Variants in CFAP299 observed in about 807,000 individuals in gnomAD.
CFAP299 encodes the protein cilia and flagella associated protein 299, also known as cilia- and flagella-associated protein 299.
Under a neutral mutation model 27.0 loss-of-function variants are expected in CFAP299, and 21 were observed. The ratio of observed to expected loss-of-function variants is 0.78; its 90% CI spans 0.55 to 1.12. CFAP299 has a LOEUF of 1.12. Ranked by LOEUF, CFAP299 falls within the 50% of genes most tolerant of loss-of-function variation. CFAP299 has a pLI of 0.00. For synonymous variants in CFAP299, 104 were observed against 98.1 expected (o/e 1.06, Z -0.36); for missense variants, 310 against 276.6 (o/e 1.12, Z -0.86).
intron 2 of CFAP299, among the ~76,000 whole-genome samples, chr4:80,554,169 T>A (rs1443059284): frequency 6.6e-6 from 1 of 152,146 alleles, no homozygotes; most frequent in Non-Finnish European, 1.5e-5. Flanking sequence ...GATTTTTGTA[T>A]ATGGTGTAAG....
At chr4:80,529,987 A>G (rs541441170) in intron 2 of CFAP299, among the ~76,000 whole-genome samples, 114 of 152,342 alleles carry the variant, frequency 7.5e-4, no homozygotes, top group African/African-American at 2.5e-3. Context: ...ATAGTATGAG[A>G]AAAATAAATA....
chr4:80,949,214 A>G (rs543803310), intron 5 of CFAP299, among the ~76,000 whole-genome samples: 3 of 152,326 alleles, frequency 2.0e-5, no homozygotes, highest in South Asian at 4.1e-4. Context: ...TATGAGTCAC[A>G]TGGGGAGGTG....
intron 3 of CFAP299, among the ~76,000 whole-genome samples, chr4:80,753,974 A>G (rs905790325): frequency 1.3e-5 from 2 of 152,180 alleles, no homozygotes; most frequent in African/African-American, 4.8e-5. Flanking sequence ...AGATAGTTCA[A>G]ACAATACTGT....
At chr4:80,937,926 T>G (rs945770418) in intron 4 of CFAP299, among the ~76,000 whole-genome samples, 3 of 152,168 alleles carry the variant, frequency 2.0e-5, no homozygotes, top group Non-Finnish European at 2.9e-5. Flanking sequence ...ATGACTACAA[T>G]GAGGCTTACA....
chr4:80,338,181 C>A (rs547739906), intron 1 of CFAP299, among the ~76,000 whole-genome samples: 52 of 152,172 alleles, frequency 3.4e-4, no homozygotes, highest in African/African-American at 1.2e-3. Context: ...TTTTAACTAA[C>A]AAAATTGTCG....
intron 2 of CFAP299, among the ~76,000 whole-genome samples, chr4:80,469,701 A>G (rs1286403317): frequency 3.3e-5 from 5 of 152,122 alleles, no homozygotes; most frequent in East Asian, 1.9e-4. Context: ...AGAAAAAGGT[A>G]TCCTTGTTCA....
intron 3 of CFAP299, among the ~76,000 whole-genome samples, chr4:80,798,354 G>A (rs1727989874): frequency 1.3e-5 from 2 of 152,074 alleles, no homozygotes; most frequent in African/African-American, 2.4e-5. Context: ...TCAGGAAGGG[G>A]ATATTGCCAC....
At chr4:80,876,082 A>G (rs1375634792) in intron 4 of CFAP299, among the ~76,000 whole-genome samples, 1 of 151,166 alleles carries the variant, frequency 6.6e-6, no homozygotes, top group African/African-American at 2.4e-5. Context: ...GCATAGTACT[A>G]ATTAATAACT....
chr4:80,335,996 C>G, intron 1 of CFAP299, 117 bp downstream of exon 1: 2 of 677,306 alleles, frequency 3.0e-6, no homozygotes, highest in Non-Finnish European at 5.2e-6. Context: ...TCAGGCGCCG[C>G]GGTTTCGGGA....
At chr4:80,608,610 A>G (rs1378553501) in intron 3 of CFAP299, among the ~76,000 whole-genome samples, 1 of 152,166 alleles carries the variant, frequency 6.6e-6, no homozygotes, top group East Asian at 1.9e-4. Context: ...AGCGCATTGT[A>G]GATTTAATGA....
intron 3 of CFAP299, among the ~76,000 whole-genome samples, chr4:80,697,227 T>G (rs921781625): frequency 5.3e-5 from 8 of 152,108 alleles, no homozygotes; most frequent in African/African-American, 1.9e-4. Context: ...ACAATCTGTA[T>G]GAAATAACAG....
intron 3 of CFAP299, among the ~76,000 whole-genome samples, chr4:80,739,385 G>A (rs1232238264): frequency 6.6e-6 from 1 of 151,932 alleles, no homozygotes; most frequent in Non-Finnish European, 1.5e-5. Flanking sequence ...TGTTTATCTT[G>A]GATTATTTGT....
intron 3 of CFAP299, among the ~76,000 whole-genome samples, chr4:80,781,457 G>C (rs554669899): frequency 3.9e-5 from 6 of 151,908 alleles, no homozygotes; most frequent in Non-Finnish European, 7.4e-5. Context: ...TTATTTTTGT[G>C]ACTTTATCCT....
intron 2 of CFAP299, among the ~76,000 whole-genome samples, chr4:80,438,886 G>A: frequency 6.6e-6 from 1 of 152,078 alleles, no homozygotes; most frequent in East Asian, 1.9e-4. Flanking sequence ...GATATTTACA[G>A]CACAATAGTA....
At chr4:80,446,399 T>C (rs930213794) in intron 2 of CFAP299, among the ~76,000 whole-genome samples, 1 of 152,268 alleles carries the variant, frequency 6.6e-6, no homozygotes, top group African/African-American at 2.4e-5. Context: ...TTGAGGACTA[T>C]CTGCCAACAG....
intron 2 of CFAP299, among the ~76,000 whole-genome samples, chr4:80,382,247 G>C (rs950928608): frequency 6.6e-6 from 1 of 152,108 alleles, no homozygotes; most frequent in African/African-American, 2.4e-5. Context: ...ACATAAAATG[G>C]GCAAATATTT....
chr4:80,564,912 C>T (rs567348734), intron 2 of CFAP299, among the ~76,000 whole-genome samples: 1 of 151,914 alleles, frequency 6.6e-6, no homozygotes, highest in Admixed American at 6.6e-5. Flanking sequence ...TCTACAATAA[C>T]CACATATAAA....
intron 2 of CFAP299, among the ~76,000 whole-genome samples, chr4:80,425,608 T>G (rs1727494609): frequency 6.6e-6 from 1 of 152,242 alleles, no homozygotes; most frequent in Non-Finnish European, 1.5e-5. Flanking sequence ...CTTTTGCAGA[T>G]GTATAAATAG....
At chr4:80,754,556 T>C (rs927374952) in intron 3 of CFAP299, among the ~76,000 whole-genome samples, 1 of 54,562 alleles carries the variant, frequency 1.8e-5, no homozygotes. Context: ...TGGATCTGGC[T>C]TTTTTTTTTT....
Sources: allele counts gnomAD v4.1 joint callset (sites outside exome capture counted in the v4.1 genomes callset), GRCh38; gene constraint gnomAD v4.1.1; transcripts MANE v1.5; gene names NCBI Gene and HGNC (gene_info 2026-07-23, HGNC 2026-07-21).